The following IL20RB variants were observed in gnomAD, a reference collection of about 807,000 sequenced individuals.
IL20RB encodes interleukin-20 receptor subunit beta.
A neutral mutation model predicts 33.3 loss-of-function variants in IL20RB; 21 were observed. The observed-to-expected ratio is 0.63, with a 90% CI of 0.45 to 0.91. The LOEUF is 0.91. Ranked by LOEUF, IL20RB falls within the 40% of genes least tolerant of loss-of-function variation. The pLI, the probability that IL20RB is intolerant of heterozygous loss-of-function variation, is 0.00. For synonymous variants in IL20RB, 147 were observed against 146.8 expected (o/e 1.00, Z -0.01); for missense variants, 345 against 384.8 (o/e 0.90, Z 0.86).
At position 136,982,289 on chromosome 3, in the gene IL20RB, C is replaced by A; in HGVS notation, c.345C>A (p.Ala115=). The A allele has an allele frequency of 6.2e-7, 1 of 1,610,336 alleles. No individual in the cohort carries two copies. The highest frequency in any genetic ancestry group is 8.5e-7 in the Non-Finnish European group (1 of 1,177,094). The part of the protein sequence containing the change: ...ATVPYNLRVR[A]TLGSQTSAWS... ...TGCCATACAACCTTCGTGTCAGGGC[C>A]ACATTGGGCTCACAGACCTCAGCCT... The change falls in exon 3 of 7, where the codon GCC becomes GCA. Residue 115 remains alanine, a synonymous_variant. Transcript: ENST00000329582.
chr3:136,971,469 GT>G (rs1289568176), intron 1 of IL20RB, among the ~76,000 whole-genome samples: 21 of 152,074 alleles, frequency 1.4e-4, no homozygotes, highest in African/African-American at 4.8e-4. Context: ...TTTAACCTAC[GT>G]CTCTTCATCC....
intron 6 of IL20RB, among the ~76,000 whole-genome samples, chr3:137,008,374 C>T (rs12497483): frequency 0.014 from 2,142 of 152,272 alleles, 94 homozygotes; most frequent in Admixed American, 0.084. Context: ...ATCTTCTCAG[C>T]GACAGCAGGT....
intron 3 of IL20RB, among the ~76,000 whole-genome samples, chr3:136,985,169 G>A (rs576499105): frequency 1.3e-5 from 2 of 152,142 alleles, no homozygotes; most frequent in African/African-American, 2.4e-5. Flanking sequence ...TGGAAGATAC[G>A]GTTCTATGAT....
chr3:137,000,591 T>C (rs1041492663), intron 6 of IL20RB, among the ~76,000 whole-genome samples: 2 of 152,216 alleles, frequency 1.3e-5, no homozygotes, highest in South Asian at 4.1e-4. Context: ...TTTTAAAAGT[T>C]GTAATCTGAG....
chr3:136,998,120 TTTTC>T (rs1284074526), intron 6 of IL20RB, among the ~76,000 whole-genome samples: 4 of 127,034 alleles, frequency 3.1e-5, no homozygotes, highest in Non-Finnish European at 6.5e-5. Context: ...AGGTCCATGA[TTTTC>T]TTTTCTTTTT....
intron 1 of IL20RB, among the ~76,000 whole-genome samples, chr3:136,960,376 G>A (rs921538014): frequency 6.6e-6 from 1 of 152,022 alleles, no homozygotes; most frequent in Non-Finnish European, 1.5e-5. Flanking sequence ...TCGATCTCTT[G>A]ACCTTGTGAT....
intron 1 of IL20RB, chr3:136,959,689 G>T (rs1393921802): frequency 6.6e-6 from 1 of 152,162 alleles, no homozygotes; most frequent in Non-Finnish European, 1.5e-5. Flanking sequence ...AGGTGAGTGT[G>T]CACTTCTGAC....
At chr3:136,980,614 T>C (rs1485810459) in intron 2 of IL20RB, 22 bp downstream of exon 2, 1 of 1,613,772 alleles carries the variant, frequency 6.2e-7, no homozygotes, top group Non-Finnish European at 8.5e-7. Context: ...CTTTTAATAG[T>C]TCTTCTCCCT....
chr3:136,977,713 A>T (rs1043399284), intron 1 of IL20RB, among the ~76,000 whole-genome samples: 2 of 152,032 alleles, frequency 1.3e-5, no homozygotes, highest in African/African-American at 4.8e-5. Flanking sequence ...TTTAGTAGAG[A>T]TGGGGTTTTG....
intron 1 of IL20RB, among the ~76,000 whole-genome samples, chr3:136,974,354 G>A (rs951860043): frequency 3.9e-5 from 6 of 152,080 alleles, no homozygotes; most frequent in African/African-American, 7.2e-5. Context: ...CTCAATATTC[G>A]TTTGTCTGTT....
At chr3:136,999,372 A>G (rs891875920) in intron 6 of IL20RB, among the ~76,000 whole-genome samples, 3 of 152,236 alleles carry the variant, frequency 2.0e-5, no homozygotes, top group African/African-American at 7.2e-5. Flanking sequence ...CTGGGATTAT[A>G]GGCATGAGCC....
chr3:136,969,638 T>C (rs1220779519), intron 1 of IL20RB, among the ~76,000 whole-genome samples: 2 of 151,398 alleles, frequency 1.3e-5, no homozygotes, highest in Non-Finnish European at 2.9e-5. Context: ...CAGATGGAAA[T>C]GCAGAAATCA....
chr3:136,997,683 G>T (rs920701425), intron 6 of IL20RB, among the ~76,000 whole-genome samples: 3 of 150,426 alleles, frequency 2.0e-5, no homozygotes, highest in Admixed American at 1.3e-4. Context: ...GTCTCTTATA[G>T]ACAGCATATA....
intron 3 of IL20RB, among the ~76,000 whole-genome samples, chr3:136,987,666 G>T (rs907233595): frequency 1.3e-5 from 2 of 152,266 alleles, no homozygotes; most frequent in Non-Finnish European, 2.9e-5. Flanking sequence ...GGCTCGGGCC[G>T]CACAGGAGCC....
chr3:136,963,355 A>G (rs2108172697), intron 1 of IL20RB, among the ~76,000 whole-genome samples: 1 of 152,376 alleles, frequency 6.6e-6, no homozygotes, highest in African/African-American at 2.4e-5. Context: ...TTAGTTTTAC[A>G]AGAAACTGCC....
chr3:137,008,702 A>T (rs535359944), intron 6 of IL20RB, among the ~76,000 whole-genome samples: 1 of 152,320 alleles, frequency 6.6e-6, no homozygotes, highest in Admixed American at 6.5e-5. Context: ...TGTATTTTAA[A>T]TATAAAATAT....
At chr3:136,992,184 T>C in intron 5 of IL20RB, 96 bp downstream of exon 5, 1 of 1,343,774 alleles carries the variant, frequency 7.4e-7, no homozygotes, top group Non-Finnish European at 1.0e-6. Flanking sequence ...TTCTGAGTTT[T>C]TCCTTGATTT....
intron 6 of IL20RB, among the ~76,000 whole-genome samples, chr3:137,002,903 G>T (rs946871904): frequency 6.6e-6 from 1 of 152,140 alleles, no homozygotes; most frequent in Non-Finnish European, 1.5e-5. Flanking sequence ...ATGGCTTTAG[G>T]TCTAACATTT....
At chr3:137,005,285 T>C (rs113039094) in intron 6 of IL20RB, among the ~76,000 whole-genome samples, 3 of 152,222 alleles carry the variant, frequency 2.0e-5, no homozygotes, top group African/African-American at 7.2e-5. Flanking sequence ...TTAGGTCTGC[T>C]TGTTGCAGAG....
Sources: gnomAD v4.1 joint callset for allele counts (sites outside exome capture counted in the v4.1 genomes callset) on GRCh38, gnomAD v4.1.1 for gene constraint, MANE v1.5 for transcripts, NCBI Gene and HGNC (gene_info 2026-07-23, HGNC 2026-07-21) for gene names.